The following PRICKLE1 variants were observed in gnomAD, a reference collection of about 807,000 sequenced individuals.
The protein encoded by PRICKLE1 is prickle-like protein 1.
A neutral mutation model predicts 70.2 loss-of-function variants in PRICKLE1; 14 were observed. The ratio of observed to expected loss-of-function variants is 0.20; its 90% CI spans 0.13 to 0.31. The LOEUF (loss-of-function observed/expected upper bound fraction) is 0.31. PRICKLE1 is among the 10% of genes least tolerant of loss of function. The pLI is 1.00. For synonymous variants in PRICKLE1, 357 were observed against 379.9 expected (o/e 0.94, Z 0.70); for missense variants, 821 against 1,026.2 (o/e 0.80, Z 2.73).
intron 1 of PRICKLE1, chr12:42,482,961 G>A (rs1213610463): frequency 2.0e-5 from 3 of 152,212 alleles, no homozygotes; most frequent in Admixed American, 6.5e-5. Context: ...CTTAGGCCGC[G>A]AGGGGGCGCC....
intron 1 of PRICKLE1, among the ~76,000 whole-genome samples, chr12:42,552,114 T>C (rs1418566809): frequency 6.7e-6 from 1 of 150,176 alleles, no homozygotes; most frequent in Non-Finnish European, 1.5e-5. Context: ...TTGTCTAGGC[T>C]GGAGTGCAGT....
intron 4 of PRICKLE1, 31 bp downstream of exon 4, chr12:42,469,419 C>T: frequency 6.2e-7 from 1 of 1,613,284 alleles, no homozygotes. Context: ...ATCACTGCCA[C>T]AAGCTACGCA....
At chr12:42,532,861 C>A (rs1311491437) in intron 1 of PRICKLE1, among the ~76,000 whole-genome samples, 3 of 148,240 alleles carry the variant, frequency 2.0e-5, no homozygotes, top group Non-Finnish European at 4.4e-5. Flanking sequence ...CGTGTCACTG[C>A]ACTCCAGCCT....
chr12:42,515,458 G>A (rs562326704), intron 1 of PRICKLE1, among the ~76,000 whole-genome samples: 14 of 151,964 alleles, frequency 9.2e-5, no homozygotes, highest in Non-Finnish European at 1.6e-4. Flanking sequence ...GGCTGGTCTC[G>A]AACTCCTGAC....
intron 1 of PRICKLE1, chr12:42,485,518 T>C (rs1324223106): frequency 6.6e-6 from 1 of 152,216 alleles, no homozygotes; most frequent in African/African-American, 2.4e-5. Context: ...AAATTAACCA[T>C]GAATACCTAG....
intron 1 of PRICKLE1, among the ~76,000 whole-genome samples, chr12:42,486,387 C>G (rs187623960): frequency 6.6e-6 from 1 of 152,322 alleles, no homozygotes; most frequent in East Asian, 1.9e-4. Context: ...ATTTAATAAA[C>G]ATGAGTTAAG....
chr12:42,587,512 T>G (rs952633217), intron 1 of PRICKLE1, among the ~76,000 whole-genome samples: 1 of 152,280 alleles, frequency 6.6e-6, no homozygotes, highest in African/African-American at 2.4e-5. Flanking sequence ...TTTTAATATG[T>G]AGAGCACATG....
At chr12:42,519,185 T>G (rs1939663100) in intron 1 of PRICKLE1, among the ~76,000 whole-genome samples, 6 of 118,354 alleles carry the variant, frequency 5.1e-5, no homozygotes. Context: ...TTTCCTTTCC[T>G]TTTTTTCCTT....
chr12:42,525,959 G>A (rs1402761990), intron 1 of PRICKLE1, among the ~76,000 whole-genome samples: 2 of 152,184 alleles, frequency 1.3e-5, no homozygotes, highest in Admixed American at 6.5e-5. Context: ...GGAGATGAAT[G>A]CCTCTTTCCA....
intron 1 of PRICKLE1, among the ~76,000 whole-genome samples, chr12:42,529,792 A>T (rs11615758): frequency 6.6e-6 from 1 of 151,864 alleles, no homozygotes; most frequent in South Asian, 2.1e-4. Context: ...GCTATTCAGG[A>T]GGCTGAGGCA....
Position 42,459,142 on chromosome 12 carries a change from A to C in PRICKLE1, c.*667T>G, listed in dbSNP as rs1395931187. On this transcript the variant is annotated 3_prime_UTR_variant, in exon 8 of 8. Transcript: ENST00000345127. ...AAACGGCTTACAATTCAGGGATATA[A>C]AAATATCAGCTTTAAAATCTGAACT... The C allele has an allele frequency of 1.8e-6, 1 of 547,964 alleles. No homozygotes were observed. Among genetic ancestry groups the C allele is most frequent in the Non-Finnish European group, 3.3e-6 (1 of 307,150 alleles). 33.9% of individuals were successfully genotyped at this position (547,964 alleles called of 1,614,324 possible). A position where few individuals can be genotyped will look rare whatever the true frequency, so the allele number is the denominator to read the frequency against.
chr12:42,527,268 G>T (rs1939821800), intron 1 of PRICKLE1, among the ~76,000 whole-genome samples: 1 of 151,776 alleles, frequency 6.6e-6, no homozygotes, highest in Admixed American at 6.6e-5. Flanking sequence ...GAGTAGCTGG[G>T]ACTACAGGTG....
intron 1 of PRICKLE1, among the ~76,000 whole-genome samples, chr12:42,504,643 G>T (rs1939373499): frequency 6.6e-6 from 1 of 152,308 alleles, no homozygotes; most frequent in African/African-American, 2.4e-5. Flanking sequence ...TTCATTGGAA[G>T]GATACAGAGG....
intron 1 of PRICKLE1, among the ~76,000 whole-genome samples, chr12:42,503,951 T>C (rs1178815696): frequency 3.3e-5 from 5 of 152,152 alleles, no homozygotes; most frequent in Non-Finnish European, 4.4e-5. Flanking sequence ...TGGGGAAAAG[T>C]GGTTTGAGAC....
chr12:42,473,659 A>G (rs1003393303), intron 1 of PRICKLE1, among the ~76,000 whole-genome samples: 6 of 152,192 alleles, frequency 3.9e-5, no homozygotes, highest in Admixed American at 2.0e-4. Context: ...AAAATTATAG[A>G]TAATTATCCC....
chr12:42,505,033 G>A (rs541677656), intron 1 of PRICKLE1, among the ~76,000 whole-genome samples: 8 of 152,084 alleles, frequency 5.3e-5, no homozygotes, highest in East Asian at 1.9e-4. Flanking sequence ...CCAGCTACTC[G>A]GAGGCTGAGG....
intron 1 of PRICKLE1, among the ~76,000 whole-genome samples, chr12:42,541,375 C>G (rs1940112286): frequency 6.6e-6 from 1 of 151,270 alleles, no homozygotes; most frequent in Admixed American, 6.6e-5. Context: ...GGGTCTTGCT[C>G]TGTTGCCCAG....
Position 42,472,461 on chromosome 12 carries a change from C to T in PRICKLE1, c.56G>A (p.Ser19Asn), listed in dbSNP as rs1452679799. 2 of 1,614,072 alleles carry T rather than the reference C, an allele frequency of 1.2e-6. No homozygotes were observed. The highest frequency in any genetic ancestry group is 1.7e-6 in the Non-Finnish European group (2 of 1,180,034). ...MSKLAFGCQR[S>N]STSDDDSGCA... Reference sequence around the variant, plus strand: ...GCCAGAGTCATCATCTGATGTGGAACTTCTCTGACAGCCAAAGGCCAGTTT... The same window carrying T: ...GCCAGAGTCATCATCTGATGTGGAATTTCTCTGACAGCCAAAGGCCAGTTT... Residue 19 changes from serine to asparagine, a missense_variant, in exon 2 of 8, where the codon AGT becomes AAT. Ser to Asn is a conservative substitution (Grantham distance 46, BLOSUM62 1). Coordinates refer to ENST00000345127, the MANE Select transcript of PRICKLE1 (RefSeq NM_153026.3).
Position 42,459,028 on chromosome 12 carries a change from A to G in PRICKLE1, c.*781T>C, listed in dbSNP as rs1178435834. On this transcript the variant is annotated 3_prime_UTR_variant, in exon 8 of 8. Transcript: ENST00000345127. ...ATCACTAGGCAATGTAAATTTGACC[A>G]TCTACATTTATAAACCCTGACTAAA... The G allele has an allele frequency of 2.7e-6, 1 of 374,504 alleles. No individual in the cohort carries two copies. Among genetic ancestry groups the G allele is most frequent in the Non-Finnish European group, 4.8e-6 (1 of 206,740 alleles). 23.2% of individuals were successfully genotyped at this position (374,504 alleles called of 1,614,324 possible).
Sources: allele counts gnomAD v4.1 joint callset (sites outside exome capture counted in the v4.1 genomes callset), GRCh38; gene constraint gnomAD v4.1.1; transcripts MANE v1.5; gene names NCBI Gene and HGNC (gene_info 2026-07-23, HGNC 2026-07-21).